CEP63: variants seen among roughly 807,000 people sequenced by gnomAD.
The protein encoded by CEP63 is centrosomal protein of 63 kDa.
Under a neutral mutation model 89.1 loss-of-function variants are expected in CEP63, and 84 were observed. That is an observed-to-expected ratio of 0.94 (90% CI 0.79 to 1.13). The LOEUF (loss-of-function observed/expected upper bound fraction) is 1.13. CEP63 is among the 50% of genes most tolerant of loss of function. CEP63 has a pLI of 0.00. For synonymous variants in CEP63, 267 were observed against 272.5 expected, an observed-to-expected ratio of 0.98 and a Z score of 0.20; for missense variants, 838 against 813.3, an observed-to-expected ratio of 1.03 and a Z score of -0.37.
At chr3:134,600,204 C>T in the CEP63 span, among the ~76,000 whole-genome samples, 1 of 152,186 alleles carries the variant, frequency 6.6e-6, no homozygotes, top group Admixed American at 6.5e-5. Flanking sequence ...CAGGATATCT[C>T]AGGAATTAAT....
intron 11 of CEP63, among the ~76,000 whole-genome samples, chr3:134,570,064 C>T (rs1309351279): frequency 6.6e-6 from 1 of 152,226 alleles, no homozygotes; most frequent in Non-Finnish European, 1.5e-5. Flanking sequence ...CTAGGCTGCA[C>T]ACAGCATGGG....
intron 12 of CEP63, among the ~76,000 whole-genome samples, chr3:134,556,327 G>A (rs1956162938): frequency 6.6e-6 from 1 of 152,116 alleles, no homozygotes; most frequent in Non-Finnish European, 1.5e-5. Context: ...TACCATCAGA[G>A]TGAACAGGCA....
chr3:134,552,199 A>G lies in CEP63; in HGVS notation c.1467+187A>G, dbSNP rs1385872108. On this transcript the variant is annotated intron_variant, in intron 12 of 14. Coordinates refer to ENST00000675561, the MANE Select transcript of CEP63 (RefSeq NM_001353108.3). ...TATGACTCTCCACTCCAGCAGCAGG[A>G]AGGGTTTTTGTTTGTTTTTTTGAGA... 3 of 401,036 alleles carry G rather than the reference A, an allele frequency of 7.5e-6. No individual in the cohort carries two copies. The East Asian group carries it at 1.3e-4, about 18-fold the overall frequency. 24.8% of individuals were successfully genotyped at this position (401,036 alleles called of 1,614,324 possible). A position where few individuals can be genotyped will look rare whatever the true frequency, so the allele number is the denominator to read the frequency against.
chr3:134,663,345 A>G, the CEP63 span, among the ~76,000 whole-genome samples: 1 of 152,192 alleles, frequency 6.6e-6, no homozygotes, highest in Non-Finnish European at 1.5e-5. Context: ...AGTAACCAAG[A>G]GCTCTAGTAA....
At chr3:134,499,876 T>A (rs965976913) in intron 2 of CEP63, among the ~76,000 whole-genome samples, 2 of 134,496 alleles carry the variant, frequency 1.5e-5, no homozygotes, top group African/African-American at 5.6e-5. Flanking sequence ...CAGGCTGGAG[T>A]GCAGTAGCAT....
the CEP63 span, among the ~76,000 whole-genome samples, chr3:134,734,393 T>C: frequency 6.6e-6 from 1 of 152,314 alleles, no homozygotes; most frequent in Admixed American, 6.5e-5. Context: ...TATGATTGGT[T>C]CTTCTTATAT....
chr3:134,776,359 C>A, the CEP63 span, among the ~76,000 whole-genome samples: 1 of 152,160 alleles, frequency 6.6e-6, no homozygotes, highest in South Asian at 2.1e-4. Flanking sequence ...TATTAAAAAT[C>A]ACCATTTCAA....
the CEP63 span, among the ~76,000 whole-genome samples, chr3:134,630,621 CA>C: frequency 1.3e-5 from 2 of 152,200 alleles, no homozygotes; most frequent in African/African-American, 4.8e-5. Flanking sequence ...TCCTAAACAT[CA>C]TACCACAGTC....
intron 12 of CEP63, among the ~76,000 whole-genome samples, chr3:134,555,976 T>A (rs1300018370): frequency 6.6e-6 from 1 of 150,544 alleles, no homozygotes; most frequent in Non-Finnish European, 1.5e-5. Context: ...GCCGCATATC[T>A]ACAACTATCT....
At chr3:134,674,165 A>G in the CEP63 span, among the ~76,000 whole-genome samples, 1 of 152,256 alleles carries the variant, frequency 6.6e-6, no homozygotes, top group East Asian at 1.9e-4. Flanking sequence ...AAGTCATCTC[A>G]TAGTGTCAAG....
chr3:134,660,144 A>G, the CEP63 span, among the ~76,000 whole-genome samples: 1 of 152,224 alleles, frequency 6.6e-6, no homozygotes, highest in Non-Finnish European at 1.5e-5. Context: ...GGTCAGGGTG[A>G]TTATGCACAG....
chr3:134,781,496 G>A, the CEP63 span, among the ~76,000 whole-genome samples: 2 of 152,170 alleles, frequency 1.3e-5, no homozygotes, highest in African/African-American at 2.4e-5. Flanking sequence ...CACTGGGGAC[G>A]GCTTCAGTGA....
At chr3:134,550,407 T>G (rs556747134) in intron 11 of CEP63, 147 bp downstream of exon 11, 2 of 794,582 alleles carry the variant, frequency 2.5e-6, no homozygotes, top group African/African-American at 1.7e-5. Context: ...GCAAAGAGTT[T>G]AGTGAGCATG....
chr3:134,488,251 T>G (rs1936343952), intron 1 of CEP63, among the ~76,000 whole-genome samples: 1 of 152,176 alleles, frequency 6.6e-6, no homozygotes, highest in South Asian at 2.1e-4. Flanking sequence ...TGCCTGATGA[T>G]CTGAGGTGGA....
chr3:134,683,102 G>C, the CEP63 span, among the ~76,000 whole-genome samples: 1 of 152,214 alleles, frequency 6.6e-6, no homozygotes, highest in Non-Finnish European at 1.5e-5. Flanking sequence ...TTACCCATTG[G>C]AAGTGGGAAT....
intron 6 of CEP63, among the ~76,000 whole-genome samples, chr3:134,541,918 CAAA>C (rs1952115256): frequency 1.3e-5 from 2 of 152,172 alleles, no homozygotes; most frequent in South Asian, 4.2e-4. Flanking sequence ...CTAGATGTAA[CAAA>C]AGAGTCGTGG....
the CEP63 span, among the ~76,000 whole-genome samples, chr3:134,618,018 AAGC>A: frequency 6.6e-6 from 1 of 151,998 alleles, no homozygotes; most frequent in Admixed American, 6.5e-5. Context: ...AGGGGGTGGG[AAGC>A]AGCCTGGGTG....
chr3:134,556,182 C>T (rs554649320), intron 12 of CEP63, among the ~76,000 whole-genome samples: 4 of 150,964 alleles, frequency 2.6e-5, no homozygotes, highest in Admixed American at 2.6e-4. Context: ...TAGAAGAAAA[C>T]CTAGGCAATA....
At chr3:134,711,867 A>T in the CEP63 span, among the ~76,000 whole-genome samples, 3 of 150,440 alleles carry the variant, frequency 2.0e-5, no homozygotes, top group Non-Finnish European at 4.4e-5. Flanking sequence ...GGTTCAAGTG[A>T]TTCTCCTGCT....
Sources: allele counts gnomAD v4.1 joint callset (sites outside exome capture counted in the v4.1 genomes callset), GRCh38; gene constraint gnomAD v4.1.1; transcripts MANE v1.5; gene names NCBI Gene and HGNC (gene_info 2026-07-23, HGNC 2026-07-21).